The following AP1M2 variants were observed in gnomAD, a reference collection of about 807,000 sequenced individuals.
AP1M2 encodes adaptor related protein complex 1 subunit mu 2.
A neutral mutation model predicts 54.6 loss-of-function variants in AP1M2; 41 were observed. The observed-to-expected ratio is 0.75, with a 90% CI of 0.59 to 0.97. The LOEUF is 0.97. Among genes scored for constraint, AP1M2 ranks in the 50% least tolerant of loss-of-function variants. The pLI is 0.00. For missense variants in AP1M2, 507 were observed against 561.2 expected (o/e 0.90, Z 0.98); for synonymous variants, 219 against 215.9 (o/e 1.01, Z -0.13).
intron 1 of AP1M2, among the ~76,000 whole-genome samples, chr19:10,585,395 AC>A (rs1163961850): frequency 7.2e-5 from 11 of 152,162 alleles, no homozygotes; most frequent in Non-Finnish European, 1.3e-4. Flanking sequence ...TCAGGAAGAC[AC>A]CCATAATAGT....
At chr19:10,574,627 G>A in intron 10 of AP1M2, 135 bp from the exon 11 acceptor site, 1 of 822,646 alleles carries the variant, frequency 1.2e-6, no homozygotes, top group Non-Finnish European at 1.9e-6. Context: ...ATGGTCTTAG[G>A]GGGATGAGGT....
rs181299841 is a variant in AP1M2, at chr19:10,581,268, C to T, written c.671G>A (p.Gly224Asp). 1.9e-6 allele frequency: 3 copies of T among 1,612,430 alleles called. No homozygotes were observed. Among genetic ancestry groups the T allele is most frequent in the East Asian group, 4.5e-5 (2 of 44,822 alleles). ...LNDRVLFELT[G>D]RSKNKSVELE... ...AGAAAGGTCCCCTAAATGCTTACGGCCAGTGAGCTCGAAGAGCACGCGGTC... is the reference window on the plus strand; with the variant it reads ...AGAAAGGTCCCCTAAATGCTTACGGTCAGTGAGCTCGAAGAGCACGCGGTC... Residue 224 changes from glycine (G) to aspartate (D), a missense_variant and splice_region_variant, in exon 6 of 12, where the codon GGC becomes GAC. By Grantham distance (94) the Gly-to-Asp change is moderately conservative (BLOSUM62 -1). Coordinates refer to ENST00000250244, the MANE Select transcript of AP1M2 (RefSeq NM_005498.5).
chr19:10,585,253 A>C (rs1436501251), intron 1 of AP1M2, among the ~76,000 whole-genome samples: 4 of 143,544 alleles, frequency 2.8e-5, no homozygotes, highest in Non-Finnish European at 6.0e-5. Flanking sequence ...AGAAGGAAAG[A>C]AGGAAAGAAG....
In AP1M2 at chr19:10,587,301, T is replaced by C; in HGVS notation, c.-70A>G. 2 of 1,525,116 alleles carry C rather than the reference T, an allele frequency of 1.3e-6. No individual in the cohort carries two copies. Among genetic ancestry groups the C allele is most frequent in the Admixed American group, 3.9e-5 (2 of 50,824 alleles). 94.5% of individuals were successfully genotyped at this position (1,525,116 alleles called of 1,614,324 possible). On this transcript the variant is annotated 5_prime_UTR_variant, in exon 1 of 12. Coordinates refer to ENST00000250244, the MANE Select transcript of AP1M2 (RefSeq NM_005498.5). ...GGCGATGGCGGCGCCGCTTCCTTCT[T>C]CCTGCGGAAGCGCCTGCGCCCAGGT...
intron 11 of AP1M2, 97 bp downstream of exon 11, chr19:10,574,320 C>T (rs1401066636): frequency 9.7e-7 from 1 of 1,027,802 alleles, no homozygotes. Flanking sequence ...ACACCTGACC[C>T]TTGTTGGTTT....
chr19:10,581,500 G>A lies in AP1M2; in HGVS notation c.533C>T (p.Ser178Phe), dbSNP rs1917457110. 2 of 1,613,816 alleles carry A rather than the reference G, an allele frequency of 1.2e-6. No homozygotes were observed. The highest frequency in any genetic ancestry group is 1.7e-6 in the Non-Finnish European group (2 of 1,179,876). Residue 178 changes from serine to phenylalanine, a missense_variant, in exon 5 of 12, where the codon TCT becomes TTT. By Grantham distance (155) the Ser-to-Phe change is radical (BLOSUM62 -2). Transcript: ENST00000250244. The stretch of plus-strand genomic sequence containing the variant: ...GTGCAGGCTCACCAGCAGGTTGACA[G>A]ACTCTATGACATCAATGAAGACCTC... Reference protein sequence around the residue: ...KNEVFIDVIESVNLLVNANGS... With the variant: ...KNEVFIDVIEFVNLLVNANGS...
chr19:10,577,569 G>A (rs1227736272), intron 8 of AP1M2, among the ~76,000 whole-genome samples: 1 of 150,616 alleles, frequency 6.6e-6, no homozygotes, highest in East Asian at 2.0e-4. Context: ...GAGCAGCTGG[G>A]ACTACAGGCA....
At chr19:10,583,788 C>T in intron 2 of AP1M2, 115 bp from the exon 3 acceptor site, 1 of 1,492,606 alleles carries the variant, frequency 6.7e-7, no homozygotes, top group Admixed American at 2.0e-5. Flanking sequence ...GCCCCTGCCC[C>T]CCAGCCTAAG....
At chr19:10,584,511 C>T (rs1037861204) in intron 1 of AP1M2, among the ~76,000 whole-genome samples, 2 of 151,732 alleles carry the variant, frequency 1.3e-5, no homozygotes, top group Non-Finnish European at 2.9e-5. Context: ...ACCTGGGAGG[C>T]GGAGATTGCA....
chr19:10,576,063 T>C (rs1329542112), intron 9 of AP1M2, among the ~76,000 whole-genome samples: 1 of 148,456 alleles, frequency 6.7e-6, no homozygotes, highest in Non-Finnish European at 1.5e-5. Flanking sequence ...CGTGAGCCAC[T>C]GCGCCTGGCC....
At chr19:10,582,038 G>T (rs1821282) in intron 3 of AP1M2, among the ~76,000 whole-genome samples, 160 bp from the exon 4 acceptor site, 38,061 of 150,930 alleles carry the variant, frequency 0.25, 5,750 homozygotes, top group East Asian at 0.66. Context: ...CCCCTATCTC[G>T]TTTTTTCTTT....
At chr19:10,586,240 G>A (rs1477420351) in intron 1 of AP1M2, among the ~76,000 whole-genome samples, 1 of 151,322 alleles carries the variant, frequency 6.6e-6, no homozygotes, top group Non-Finnish European at 1.5e-5. Flanking sequence ...CCAAGATCAT[G>A]CCATTGCACT....
intron 1 of AP1M2, 88 bp from the exon 2 acceptor site, chr19:10,584,158 T>A: frequency 6.8e-7 from 1 of 1,477,194 alleles, no homozygotes; most frequent in African/African-American, 1.4e-5. Flanking sequence ...CTGACCCTAC[T>A]TCCTAGCTGA....
rs1917472225 is a variant in AP1M2, at chr19:10,581,804, C to T, written c.342G>A (p.Leu114=). The part of the protein sequence containing the change: ...RDNFVIVYEL[L]DELMDFGFPQ... The stretch of plus-strand genomic sequence containing the variant: ...GGAAGCCAAAGTCCATGAGCTCGTC[C>T]AGCAACTCGTAGACGATGACAAAGT... The change falls in exon 4 of 12, where the codon CTG becomes CTA. Residue 114 remains leucine (L), a synonymous_variant. Coordinates refer to ENST00000250244, the MANE Select transcript of AP1M2 (RefSeq NM_005498.5). The T allele has an allele frequency of 6.2e-7, 1 of 1,613,976 alleles. No individual in the cohort carries two copies. The highest frequency in any genetic ancestry group is 1.7e-5 in the Admixed American group (1 of 59,980).
rs981314565 is a variant in AP1M2, at chr19:10,573,190, A to G, written c.1250-102T>C. The stretch of plus-strand genomic sequence containing the variant: ...TCCCAGCACTTTGGGAGGTCGAGGC[A>G]GGTGGATCACTTGAGGTCAGGGGTT... On this transcript the variant is annotated intron_variant, in intron 11 of 11. Coordinates refer to ENST00000250244, the MANE Select transcript of AP1M2 (RefSeq NM_005498.5). The G allele has an allele frequency of 7.5e-5, 84 of 1,117,998 alleles. No individual in the cohort carries two copies. The African/African-American group carries it at 1.2e-3, about 16-fold the overall frequency. The allele number at this position is 1,117,998 out of a possible 1,614,324, so 69.3% of individuals were successfully genotyped here.
At chr19:10,577,416 C>T in intron 8 of AP1M2, 60 bp from the exon 9 acceptor site, 1 of 738,470 alleles carries the variant, frequency 1.4e-6, no homozygotes, top group East Asian at 3.6e-5. Context: ...CAAATATTTA[C>T]CAAGCCCTTT....
intron 7 of AP1M2, 77 bp from the exon 8 acceptor site, chr19:10,579,040 T>A: frequency 2.6e-6 from 3 of 1,158,852 alleles, no homozygotes; most frequent in East Asian, 2.6e-5. Context: ...TTTTTCTTTC[T>A]TTGAGACAGA....
chr19:10,583,565 A>C, intron 3 of AP1M2, 41 bp downstream of exon 3: 1 of 1,474,496 alleles, frequency 6.8e-7, no homozygotes, highest in South Asian at 1.2e-5. Context: ...CAAGAGGGAT[A>C]GACGGATAGA....
rs765863268 is a variant in AP1M2 at position 10,579,801 on chromosome 19, A to G, written c.731T>C (p.Leu244Pro). 1 of 1,613,666 alleles carries G rather than the reference A, an allele frequency of 6.2e-7. No individual in the cohort carries two copies. ...EDVKFHQCVRLSRFDNDRTIS... is the reference protein window; with the variant it reads ...EDVKFHQCVRPSRFDNDRTIS... ...GGTGCGGTCGTTGTCAAAGCGAGAGAGCCGCACGCACTGGTGGAATTTTAC... is the reference window on the plus strand; with the variant it reads ...GGTGCGGTCGTTGTCAAAGCGAGAGGGCCGCACGCACTGGTGGAATTTTAC... Residue 244 changes from leucine (L) to proline (P), a missense_variant, in exon 7 of 12, where the codon CTC (leucine) becomes CCC (proline). By Grantham distance (98) the Leu-to-Pro change is moderately conservative. Coordinates refer to ENST00000250244, the MANE Select transcript of AP1M2 (RefSeq NM_005498.5).
Sources: gnomAD v4.1 joint callset for allele counts (sites outside exome capture counted in the v4.1 genomes callset) on GRCh38, gnomAD v4.1.1 for gene constraint, MANE v1.5 for transcripts, NCBI Gene and HGNC (gene_info 2026-07-23, HGNC 2026-07-21) for gene names.